AP3S1: variants seen among roughly 807,000 people sequenced by gnomAD.
The protein encoded by AP3S1 is AP-3 complex subunit sigma-1.
Under a neutral mutation model 21.3 loss-of-function variants are expected in AP3S1, and 12 were observed. The observed-to-expected ratio is 0.56, with a 90% CI of 0.36 to 0.91. The LOEUF (loss-of-function observed/expected upper bound fraction) is 0.91. AP3S1 is among the 40% of genes least tolerant of loss of function. AP3S1 has a pLI of 0.01. For missense variants in AP3S1, 116 were observed against 225.0 expected (o/e 0.52, Z 3.10); for synonymous variants, 48 against 78.4 (o/e 0.61, Z 2.05).
At position 115,870,008 on chromosome 5, in the gene AP3S1, G is replaced by A; in HGVS notation, c.162-9G>A. The A allele has an allele frequency of 1.1e-5, 11 of 958,124 alleles. No homozygotes were observed. Among genetic ancestry groups the A allele is most frequent in the African/African-American group, 1.7e-5 (1 of 59,140 alleles). The allele number at this position is 958,124 out of a possible 1,614,324, so 59.4% of individuals were successfully genotyped here. ...TTTCCAATAACATTACAATTTTTTT[G>A]TCATTTAGATTAATTGGAGGATCTG... On this transcript the variant is annotated splice_polypyrimidine_tract_variant and intron_variant, in intron 2 of 5. Coordinates refer to ENST00000316788, the MANE Select transcript of AP3S1 (RefSeq NM_001284.4).
At chr5:115,842,599 G>C (rs551217589) in intron 1 of AP3S1, 1 of 155,500 alleles carries the variant, frequency 6.4e-6, no homozygotes, top group African/African-American at 2.4e-5. Flanking sequence ...CTGTTCTTTG[G>C]ACAGATGGGC....
intron 4 of AP3S1, among the ~76,000 whole-genome samples, chr5:115,897,179 T>C (rs1347415174): frequency 6.6e-6 from 1 of 152,232 alleles, no homozygotes; most frequent in Non-Finnish European, 1.5e-5. Flanking sequence ...TTTTACATCT[T>C]TAAAACAAAT....
At chr5:115,886,872 C>T (rs572215771) in intron 3 of AP3S1, among the ~76,000 whole-genome samples, 4 of 152,186 alleles carry the variant, frequency 2.6e-5, no homozygotes, top group African/African-American at 4.8e-5. Context: ...TCTATATTGA[C>T]GTTGAGTTCA....
At chr5:115,856,667 T>C (rs1762824995) in intron 1 of AP3S1, among the ~76,000 whole-genome samples, 1 of 152,076 alleles carries the variant, frequency 6.6e-6, no homozygotes, top group African/African-American at 2.4e-5. Flanking sequence ...TTAGATGGGG[T>C]CTCACTTTGT....
At chr5:115,866,480 GT>G (rs895916583) in intron 1 of AP3S1, among the ~76,000 whole-genome samples, 189 bp from the exon 2 acceptor site, 4 of 151,534 alleles carry the variant, frequency 2.6e-5, no homozygotes, top group East Asian at 1.9e-4. Flanking sequence ...AAATAATTGG[GT>G]TTTTTTTCTT....
intron 3 of AP3S1, among the ~76,000 whole-genome samples, chr5:115,888,309 AT>A: frequency 6.6e-6 from 1 of 152,204 alleles, no homozygotes; most frequent in Admixed American, 6.5e-5. Flanking sequence ...TATTGTTGTT[AT>A]GGTTAGAACC....
intron 3 of AP3S1, among the ~76,000 whole-genome samples, chr5:115,875,139 A>G (rs1361855087): frequency 6.6e-6 from 1 of 152,058 alleles, no homozygotes; most frequent in Admixed American, 6.6e-5. Flanking sequence ...TGAAGTAAAT[A>G]TGTTTTTTTT....
chr5:115,858,356 G>C lies in AP3S1; in HGVS notation c.70-8314G>C, dbSNP rs181080131. Among the ~76,000 whole-genome samples the C allele has an allele frequency of 5.8e-4, 89 of 152,238 alleles. 2 individuals are homozygous for C. Among genetic ancestry groups the C allele is most frequent in the Middle Eastern group, 3.4e-3 (1 of 294 alleles). On this transcript the variant is annotated intron_variant, in intron 1 of 5. Transcript: ENST00000316788. ...TGATTATATGCTTCATCACCTTTTA[G>C]TTTCCAGTGTTGCTATTTAAAAGTC...
intron 3 of AP3S1, among the ~76,000 whole-genome samples, chr5:115,874,588 T>G (rs1372329705): frequency 6.6e-6 from 1 of 152,080 alleles, no homozygotes; most frequent in Non-Finnish European, 1.5e-5. Flanking sequence ...TTTCTTTAGG[T>G]TTAGAAAGAT....
chr5:115,870,140 C>G lies in AP3S1; in HGVS notation c.273+12C>G. On this transcript the variant is annotated intron_variant, in intron 3 of 5. Transcript: ENST00000316788. ...TAGATCTAATTCAAGTAAGTTAACACTTGCTTCTTACTATCTTAAATAACA... is the reference window on the plus strand; with the variant it reads ...TAGATCTAATTCAAGTAAGTTAACAGTTGCTTCTTACTATCTTAAATAACA... 1.2e-6 allele frequency: 1 copy of G among 833,492 alleles called. No individual in the cohort carries two copies. The highest frequency in any genetic ancestry group is 1.6e-5 in the South Asian group (1 of 63,276). The allele number at this position is 833,492 out of a possible 1,614,324, so 51.6% of individuals were successfully genotyped here. A position where few individuals can be genotyped will look rare whatever the true frequency, so the allele number is the denominator to read the frequency against.
chr5:115,898,330 CT>C (rs1412201424), intron 4 of AP3S1, among the ~76,000 whole-genome samples: 1 of 152,166 alleles, frequency 6.6e-6, no homozygotes, highest in African/African-American at 2.4e-5. Flanking sequence ...CACACATTTT[CT>C]TTTATTGTGG....
intron 1 of AP3S1, among the ~76,000 whole-genome samples, chr5:115,844,165 T>G (rs1004866749): frequency 6.6e-6 from 1 of 152,230 alleles, no homozygotes; most frequent in Non-Finnish European, 1.5e-5. Flanking sequence ...CATAACCTTT[T>G]TGAGGGCAGT....
At chr5:115,855,670 A>G (rs962602613) in intron 1 of AP3S1, among the ~76,000 whole-genome samples, 1 of 152,184 alleles carries the variant, frequency 6.6e-6, no homozygotes, top group African/African-American at 2.4e-5. Flanking sequence ...CTTTTTTTGA[A>G]ATATAAAAAA....
chr5:115,884,279 A>G (rs1308241373), intron 3 of AP3S1, among the ~76,000 whole-genome samples: 2 of 152,204 alleles, frequency 1.3e-5, no homozygotes, highest in East Asian at 3.8e-4. Context: ...CTCTTAAGTT[A>G]TCTTAAGTAT....
intron 5 of AP3S1, among the ~76,000 whole-genome samples, chr5:115,911,721 C>T (rs1171076874): frequency 1.3e-5 from 2 of 151,636 alleles, no homozygotes; most frequent in African/African-American, 4.8e-5. Context: ...AATTAAAGAC[C>T]CTTTCAAATA....
chr5:115,890,673 T>C (rs748007540), intron 3 of AP3S1, among the ~76,000 whole-genome samples: 2 of 152,250 alleles, frequency 1.3e-5, no homozygotes, highest in South Asian at 2.1e-4. Context: ...TAAGTGGCTT[T>C]ATTTTCCATA....
chr5:115,872,494 G>C (rs1000057273), intron 3 of AP3S1, among the ~76,000 whole-genome samples: 8 of 152,046 alleles, frequency 5.3e-5, no homozygotes, highest in African/African-American at 1.9e-4. Flanking sequence ...TGGCGGCAGT[G>C]AGGAAATGAA....
intron 3 of AP3S1, among the ~76,000 whole-genome samples, chr5:115,884,141 C>G (rs992096918): frequency 2.0e-5 from 3 of 152,128 alleles, no homozygotes; most frequent in Non-Finnish European, 2.9e-5. Context: ...CCCTATAAAA[C>G]AAGCAGTGCC....
Position 115,872,821 on chromosome 5 carries a change from A to G in AP3S1, c.273+2693A>G, listed in dbSNP as rs145775023. Reference sequence around the variant, plus strand: ...CTTAGTTTATCCCACCTAGGGGAGTAGTTAATTCATTTTATCATTATGTCA... The same window carrying G: ...CTTAGTTTATCCCACCTAGGGGAGTGGTTAATTCATTTTATCATTATGTCA... On this transcript the variant is annotated intron_variant, in intron 3 of 5. Transcript: ENST00000316788. Among the ~76,000 whole-genome samples, 576 of 152,298 alleles carry G rather than the reference A, an allele frequency of 3.8e-3. 1 individual carries two copies. The highest frequency in any genetic ancestry group is 0.013 in the African/African-American group (555 of 41,568).
Sources: gnomAD v4.1 joint callset for allele counts (sites outside exome capture counted in the v4.1 genomes callset) on GRCh38, gnomAD v4.1.1 for gene constraint, MANE v1.5 for transcripts, NCBI Gene and HGNC (gene_info 2026-07-23, HGNC 2026-07-21) for gene names.